YJU2B: variants seen among roughly 807,000 people sequenced by gnomAD.
The protein encoded by YJU2B is probable splicing factor YJU2B.
Under a neutral mutation model 38.0 loss-of-function variants are expected in YJU2B, and 18 were observed. The ratio of observed to expected loss-of-function variants is 0.47; its 90% CI spans 0.33 to 0.70. The LOEUF is 0.70. YJU2B is among the 30% of genes least tolerant of loss of function. YJU2B has a pLI of 0.02. For missense variants in YJU2B, 538 were observed against 556.3 expected (o/e 0.97, Z 0.33); for synonymous variants, 246 against 225.4 (o/e 1.09, Z -0.82).
upstream of YJU2B, among the ~76,000 whole-genome samples, chr19:13,746,338 A>C (rs547093333): frequency 3.9e-5 from 6 of 152,198 alleles, no homozygotes; most frequent in Admixed American, 3.9e-4. Flanking sequence ...GTATCCACCC[A>C]CTTCTTCTGT....
chr19:13,754,712 C>T (rs1289446669), intron 3 of YJU2B, among the ~76,000 whole-genome samples: 1 of 152,156 alleles, frequency 6.6e-6, no homozygotes, highest in African/African-American at 2.4e-5. Context: ...TCCTTAAGTG[C>T]TTTTCTCACA....
chr19:13,747,244 CAA>C (rs1973276797), upstream of YJU2B, among the ~76,000 whole-genome samples: 1 of 152,172 alleles, frequency 6.6e-6, no homozygotes, highest in Admixed American at 6.6e-5. Flanking sequence ...AATCAGCAGA[CAA>C]AAGCGCATAT....
At position 13,763,042 on chromosome 19, in the gene YJU2B, G is replaced by A. The variant is rs757080143; in HGVS notation, c.1165G>A (p.Asp389Asn). 1.9e-6 allele frequency: 3 copies of A among 1,566,280 alleles called. No homozygotes were observed. The highest frequency in any genetic ancestry group is 8.7e-7 in the Non-Finnish European group (1 of 1,155,318). The change falls in exon 10 of 10, where the codon GAC becomes AAC. Residue 389 changes from aspartate (D) to asparagine (N), a missense_variant. By Grantham distance (23) the Asp-to-Asn change is conservative. This residue lies in a region of YJU2B where 488 missense variants were observed against 469.5 expected (regional missense o/e 1.04). Transcript: ENST00000221554. The part of the protein sequence containing the change: ...PCSLGSSLVA[D>N]YSDSESE ...CAGTCTCGGCTCCTCCCTCGTGGCG[G>A]ACTACTCCGACTCGGAGAGTGAGTG... is the stretch of plus-strand genomic sequence containing the variant.
intron 1 of YJU2B, among the ~76,000 whole-genome samples, chr19:13,748,527 AGCCCCGTCT>A (rs1427379748): frequency 1.3e-5 from 2 of 152,190 alleles, no homozygotes; most frequent in Non-Finnish European, 2.9e-5. Context: ...CCCACCCGAT[AGCCCCGTCT>A]GCCATTTACT....
intron 4 of YJU2B, 81 bp from the exon 5 acceptor site, chr19:13,757,337 C>G: frequency 8.3e-7 from 1 of 1,198,946 alleles, no homozygotes; most frequent in Non-Finnish European, 1.2e-6. Flanking sequence ...CAAATCACAA[C>G]CGCGGCCAGA....
At chr19:13,734,579 C>T (rs1374222830) in intron 2 of YJU2B, among the ~76,000 whole-genome samples, 3 of 151,804 alleles carry the variant, frequency 2.0e-5, no homozygotes, top group Non-Finnish European at 4.4e-5. Context: ...CGTGAGCCAC[C>T]GCGCCCGGCC....
chr19:13,759,403 T>G, intron 8 of YJU2B, 131 bp downstream of exon 8: 1 of 685,502 alleles, frequency 1.5e-6, no homozygotes, highest in Non-Finnish European at 2.4e-6. Context: ...CCCCATCTGC[T>G]ACATGGTGAC....
chr19:13,753,707 G>A (rs1973558275), intron 2 of YJU2B, among the ~76,000 whole-genome samples: 1 of 151,868 alleles, frequency 6.6e-6, no homozygotes, highest in African/African-American at 2.4e-5. Flanking sequence ...AGAAGGGGAA[G>A]CAAACACATC....
rs1429943992 is a variant in YJU2B, at chr19:13,763,114, C to T, written c.*46C>T. 4.1e-6 allele frequency: 6 copies of T among 1,464,814 alleles called. No homozygotes were observed. Among genetic ancestry groups the T allele is most frequent in the Non-Finnish European group, 4.6e-6 (5 of 1,091,084 alleles). 90.7% of individuals were successfully genotyped at this position (1,464,814 alleles called of 1,614,324 possible). ...TGGACCCGCTCTAGAGGCCCGGACACACCCAGGAGGCCCCTCACAGACTGC... is the reference window on the plus strand; with the variant it reads ...TGGACCCGCTCTAGAGGCCCGGACATACCCAGGAGGCCCCTCACAGACTGC... On this transcript the variant is annotated 3_prime_UTR_variant, in exon 10 of 10. Coordinates refer to ENST00000221554, the MANE Select transcript of YJU2B (RefSeq NM_030818.4).
chr19:13,756,187 C>T lies in YJU2B; in HGVS notation c.58-10C>T, dbSNP rs376222909. ...GCAGCACTAATCCGCTCCTCATCCT[C>T]TCCACACAGCATGGCTCTCTCAACC... On this transcript the variant is annotated splice_polypyrimidine_tract_variant and intron_variant, in intron 3 of 9. Coordinates refer to ENST00000221554, the MANE Select transcript of YJU2B (RefSeq NM_030818.4). The T allele has an allele frequency of 1.5e-5, 25 of 1,613,126 alleles. No homozygotes were observed. In the African/African-American group the frequency reaches 2.4e-4, roughly 15 times the overall value.
At position 13,762,284 on chromosome 19, in the gene YJU2B, T is replaced by C; in HGVS notation, c.574-15T>C. 1.9e-6 allele frequency: 3 copies of C among 1,612,208 alleles called. 1 individual carries two copies. In the South Asian group the frequency reaches 3.3e-5, roughly 18 times the overall value. On this transcript the variant is annotated splice_polypyrimidine_tract_variant and intron_variant, in intron 8 of 9. Transcript: ENST00000221554. ...TGACACCCCCTATCTCTGGTGTTCT[T>C]GGCCCTCAACACAGGAAAAGAAAAA...
intron 1 of YJU2B, among the ~76,000 whole-genome samples, chr19:13,750,611 C>A (rs979995744): frequency 2.0e-5 from 3 of 151,932 alleles, no homozygotes; most frequent in Non-Finnish European, 4.4e-5. Context: ...GTGATCCCAG[C>A]ACTTTGGGAG....
intron 2 of YJU2B, among the ~76,000 whole-genome samples, chr19:13,737,699 C>T (rs1972990319): frequency 6.6e-6 from 1 of 151,184 alleles, no homozygotes; most frequent in Non-Finnish European, 1.5e-5. Flanking sequence ...GCAGGGGAAT[C>T]GCTGGAACCT....
Position 13,756,356 on chromosome 19 carries a change from T to C in YJU2B, c.140+77T>C. 4 of 1,129,526 alleles carry C rather than the reference T, an allele frequency of 3.5e-6. No individual in the cohort carries two copies. In the South Asian group the frequency reaches 3.7e-5, roughly 10 times the overall value. The allele number at this position is 1,129,526 out of a possible 1,614,324, so 70.0% of individuals were successfully genotyped here. A position where few individuals can be genotyped will look rare whatever the true frequency, so the allele number is the denominator to read the frequency against. The stretch of plus-strand genomic sequence containing the variant: ...TCTCAAGGAGAGTTCAGTGCCCTCA[T>C]TGGCCCAGTGCTGCAGGGTCTTCAT... On this transcript the variant is annotated intron_variant, in intron 4 of 9. Coordinates refer to ENST00000221554, the MANE Select transcript of YJU2B (RefSeq NM_030818.4).
At position 13,751,745 on chromosome 19, in the gene YJU2B, G is replaced by A. The variant is rs1973473853; in HGVS notation, c.-64G>A. The A allele has an allele frequency of 9.4e-6, 15 of 1,591,012 alleles. No individual in the cohort carries two copies. In the South Asian group the frequency reaches 1.4e-4, roughly 15 times the overall value. On this transcript the variant is annotated 5_prime_UTR_variant, in exon 2 of 10. The change creates a new upstream start codon in the 5' untranslated region. Transcript: ENST00000221554. Reference sequence around the variant, plus strand: ...CCACAAGAGGTCAGGACAGTGCAGTGTGTTCACAAGGCCAGTTTCTGATCG... The same window carrying A: ...CCACAAGAGGTCAGGACAGTGCAGTATGTTCACAAGGCCAGTTTCTGATCG...
intron 8 of YJU2B, among the ~76,000 whole-genome samples, chr19:13,760,482 TGAG>T (rs1307097515): frequency 6.6e-6 from 1 of 152,212 alleles, no homozygotes; most frequent in Non-Finnish European, 1.5e-5. Context: ...CTGTCAACGT[TGAG>T]GATTAAGCTT....
At chr19:13,746,953 G>A (rs985982716), upstream of YJU2B, among the ~76,000 whole-genome samples, 1 of 152,020 alleles carries the variant, frequency 6.6e-6, no homozygotes, top group African/African-American at 2.4e-5. Flanking sequence ...TGGGGCTTCT[G>A]GGAGGATGGT....
intron 5 of YJU2B, 45 bp from the exon 6 acceptor site, chr19:13,757,741 T>C: frequency 4.4e-6 from 7 of 1,596,278 alleles, no homozygotes; most frequent in Non-Finnish European, 6.0e-6. Flanking sequence ...ATCTGCAAAA[T>C]TCAGATGGCA....
At chr19:13,758,435 TAGTGGACAAATG>T (rs1315903574) in intron 6 of YJU2B, among the ~76,000 whole-genome samples, 18 of 152,246 alleles carry the variant, frequency 1.2e-4, no homozygotes, top group South Asian at 1.0e-3. Context: ...ATAAATGAAC[TAGTGGACAAATG>T]AATGAACAAA....
Sources: gnomAD v4.1 joint callset for allele counts (sites outside exome capture counted in the v4.1 genomes callset) on GRCh38, gnomAD v4.1.1 for gene constraint, gnomAD v4.1.1 regional missense constraint, MANE v1.5 for transcripts, NCBI Gene and HGNC (gene_info 2026-07-23, HGNC 2026-07-21) for gene names.